The following FSTL4 variants were observed in gnomAD, a reference collection of about 807,000 sequenced individuals.
FSTL4 encodes follistatin like 4.
A neutral mutation model predicts 78.2 loss-of-function variants in FSTL4; 28 were observed. The ratio of observed to expected loss-of-function variants is 0.36; its 90% CI spans 0.27 to 0.49. The LOEUF is 0.49. FSTL4 is among the 20% of genes least tolerant of loss of function. FSTL4 has a pLI of 0.98. For synonymous variants in FSTL4, 422 were observed against 440.5 expected (o/e 0.96, Z 0.53); for missense variants, 922 against 1,084.9 (o/e 0.85, Z 2.11).
At chr5:133,684,223 G>T in the FSTL4 span, among the ~76,000 whole-genome samples, 1 of 152,178 alleles carries the variant, frequency 6.6e-6, no homozygotes, top group Non-Finnish European at 1.5e-5. Flanking sequence ...GTAAGCAAAA[G>T]ATAGCAGGCG....
At chr5:133,797,863 G>A in the FSTL4 span, among the ~76,000 whole-genome samples, 1 of 152,084 alleles carries the variant, frequency 6.6e-6, no homozygotes, top group Non-Finnish European at 1.5e-5. Context: ...CCCGCCGCAG[G>A]GGACCCAGCC....
At chr5:133,788,525 C>T in the FSTL4 span, among the ~76,000 whole-genome samples, 1 of 152,204 alleles carries the variant, frequency 6.6e-6, no homozygotes, top group Non-Finnish European at 1.5e-5. Flanking sequence ...GTGACAAACT[C>T]CCCCTCCACG....
intron 3 of FSTL4, among the ~76,000 whole-genome samples, chr5:133,499,369 TACACACACACAC>T (rs57363602): frequency 3.8e-3 from 484 of 126,790 alleles, no homozygotes; most frequent in African/African-American, 8.7e-3. Flanking sequence ...ACAAGGGGAA[TACACACACACAC>T]ACACACACAC....
chr5:133,213,884 A>G (rs986083292), intron 13 of FSTL4, among the ~76,000 whole-genome samples: 3 of 152,210 alleles, frequency 2.0e-5, no homozygotes, highest in East Asian at 1.9e-4. Flanking sequence ...AATGACATAG[A>G]AAGGTTGAAA....
chr5:133,219,976 C>T (rs1279772871), intron 12 of FSTL4, among the ~76,000 whole-genome samples: 2 of 152,172 alleles, frequency 1.3e-5, no homozygotes, highest in Non-Finnish European at 2.9e-5. Context: ...CAGCTTTTCC[C>T]AAAGCCACAA....
chr5:133,545,151 G>A (rs1759550346), intron 3 of FSTL4, among the ~76,000 whole-genome samples: 1 of 152,152 alleles, frequency 6.6e-6, no homozygotes, highest in African/African-American at 2.4e-5. Context: ...TGTGAGTAGA[G>A]GGTTAGGTCT....
chr5:133,690,724 C>T, the FSTL4 span, among the ~76,000 whole-genome samples: 1 of 152,172 alleles, frequency 6.6e-6, no homozygotes, highest in Non-Finnish European at 1.5e-5. Flanking sequence ...TATGCATATA[C>T]AACCTAAAAT....
At chr5:133,829,774 C>G in the FSTL4 span, among the ~76,000 whole-genome samples, 97 of 152,316 alleles carry the variant, frequency 6.4e-4, no homozygotes, top group Non-Finnish European at 1.3e-3. Flanking sequence ...ATTTCTAGAG[C>G]CTTGCTGCCA....
intron 3 of FSTL4, among the ~76,000 whole-genome samples, chr5:133,489,075 G>T (rs1758202769): frequency 6.6e-6 from 1 of 152,142 alleles, no homozygotes; most frequent in Non-Finnish European, 1.5e-5. Flanking sequence ...CCTTCCTCTG[G>T]GTCCTATCCT....
At chr5:133,674,699 G>A in the FSTL4 span, among the ~76,000 whole-genome samples, 8 of 152,176 alleles carry the variant, frequency 5.3e-5, no homozygotes, top group Admixed American at 2.0e-4. Context: ...CATAGTGTAT[G>A]TCAGAATACC....
At chr5:133,598,351 C>T (rs1174974434) in intron 2 of FSTL4, among the ~76,000 whole-genome samples, 1 of 148,188 alleles carries the variant, frequency 6.7e-6, no homozygotes, top group East Asian at 2.0e-4. Context: ...TTAGAATCTG[C>T]ATTTTAACAA....
chr5:133,383,069 C>T (rs1186299646), intron 4 of FSTL4, among the ~76,000 whole-genome samples: 1 of 152,134 alleles, frequency 6.6e-6, no homozygotes, highest in Non-Finnish European at 1.5e-5. Flanking sequence ...TTTGAAATGA[C>T]CTCTCCATTG....
chr5:133,699,391 A>T, the FSTL4 span, among the ~76,000 whole-genome samples: 3 of 151,900 alleles, frequency 2.0e-5, no homozygotes, highest in East Asian at 5.8e-4. Flanking sequence ...CCCCGAGGAA[A>T]CTCCACCTGC....
At chr5:133,231,116 T>C (rs1236147705) in intron 8 of FSTL4, among the ~76,000 whole-genome samples, 1 of 152,056 alleles carries the variant, frequency 6.6e-6, no homozygotes, top group Non-Finnish European at 1.5e-5. Context: ...TCCTGCATCC[T>C]GGTCCCCTTT....
the FSTL4 span, among the ~76,000 whole-genome samples, chr5:133,795,072 C>G: frequency 6.0e-3 from 919 of 152,320 alleles, 8 homozygotes; most frequent in African/African-American, 0.021. Context: ...GCAGTCAGAA[C>G]AGCCCGGGGC....
chr5:133,712,486 A>T, the FSTL4 span, among the ~76,000 whole-genome samples: 1 of 152,204 alleles, frequency 6.6e-6, no homozygotes, highest in African/African-American at 2.4e-5. Flanking sequence ...AGCTCTTTCC[A>T]GCCACGTGAC....
At chr5:133,655,428 C>G in the FSTL4 span, among the ~76,000 whole-genome samples, 1 of 152,174 alleles carries the variant, frequency 6.6e-6, no homozygotes, top group Admixed American at 6.5e-5. Context: ...GCCTTCACAG[C>G]AATTTTCAAA....
chr5:133,625,624 C>T, the FSTL4 span, among the ~76,000 whole-genome samples: 1 of 146,134 alleles, frequency 6.8e-6, no homozygotes, highest in East Asian at 2.0e-4. Flanking sequence ...AATTTCTTTT[C>T]TTATTTTTAT....
chr5:133,819,258 C>T, the FSTL4 span, among the ~76,000 whole-genome samples: 2 of 152,034 alleles, frequency 1.3e-5, no homozygotes, highest in Admixed American at 1.3e-4. Flanking sequence ...CTCTCCCAGC[C>T]TGGGCAAGGG....
Sources: allele counts gnomAD v4.1 joint callset (sites outside exome capture counted in the v4.1 genomes callset), GRCh38; gene constraint gnomAD v4.1.1; transcripts MANE v1.5; gene names NCBI Gene and HGNC (gene_info 2026-07-23, HGNC 2026-07-21).